Variants in USP47 observed in about 807,000 individuals in gnomAD.
The protein encoded by USP47 is ubiquitin carboxyl-terminal hydrolase 47.
A neutral mutation model predicts 165.1 loss-of-function variants in USP47; 35 were observed. The ratio of observed to expected loss-of-function variants is 0.21; its 90% CI spans 0.16 to 0.28. The LOEUF is 0.28. USP47 is among the 10% of genes least tolerant of loss of function. USP47 has a pLI of 1.00. For synonymous variants in USP47, 531 were observed against 544.5 expected (o/e 0.98, Z 0.35); for missense variants, 1,277 against 1,607.4 (o/e 0.79, Z 3.52).
At chr11:11,909,676 G>C (rs61870729) in intron 8 of USP47, among the ~76,000 whole-genome samples, 9 of 152,018 alleles carry the variant, frequency 5.9e-5, no homozygotes, top group African/African-American at 1.9e-4. Flanking sequence ...TGTTCATTAC[G>C]TACATTTAAA....
intron 8 of USP47, among the ~76,000 whole-genome samples, chr11:11,913,584 T>A (rs763677386): frequency 6.6e-6 from 1 of 151,604 alleles, no homozygotes; most frequent in Non-Finnish European, 1.5e-5. Flanking sequence ...AGGTAGAGAG[T>A]AGAATGGTAG....
chr11:11,893,679 A>G (rs1021201623), intron 4 of USP47, among the ~76,000 whole-genome samples: 5 of 152,068 alleles, frequency 3.3e-5, no homozygotes, highest in Non-Finnish European at 5.9e-5. Flanking sequence ...CGGCCTCCCA[A>G]GTAGCGGGGA....
At chr11:11,932,549 A>G (rs1302460560) in intron 14 of USP47, among the ~76,000 whole-genome samples, 1 of 152,130 alleles carries the variant, frequency 6.6e-6, no homozygotes, top group Non-Finnish European at 1.5e-5. Context: ...CAGCAGCAGT[A>G]TTTATTAAGT....
chr11:11,872,449 T>G (rs565965583), intron 1 of USP47, among the ~76,000 whole-genome samples: 46 of 152,322 alleles, frequency 3.0e-4, no homozygotes, highest in African/African-American at 1.0e-3. Context: ...CAAGTTAGAC[T>G]CCTACTTTAC....
intron 8 of USP47, among the ~76,000 whole-genome samples, chr11:11,909,299 G>A: frequency 6.6e-6 from 1 of 151,992 alleles, no homozygotes; most frequent in East Asian, 1.9e-4. Flanking sequence ...TGCTCTTAAT[G>A]ACTTATTAGA....
At chr11:11,912,464 C>A (rs1221782561) in intron 8 of USP47, among the ~76,000 whole-genome samples, 1 of 152,056 alleles carries the variant, frequency 6.6e-6, no homozygotes, top group African/African-American at 2.4e-5. Context: ...CGAACCAATT[C>A]TTTGAAAAGA....
Position 11,842,150 on chromosome 11 carries a change from C to T in USP47, c.-36C>T, listed in dbSNP as rs1350408121. 2 of 1,550,940 alleles carry T rather than the reference C, an allele frequency of 1.3e-6. No homozygotes were observed. The highest frequency in any genetic ancestry group is 2.0e-5 in the Admixed American group (1 of 50,932). ...CGAGCCGCCGCCACCCTCCACCCTC[C>T]CCCGGCAGGGCGGAGAGGAGCGGCC... On this transcript the variant is annotated 5_prime_UTR_variant, in exon 1 of 28. Transcript: ENST00000527733.
Position 11,942,266 on chromosome 11 carries a change from TATA to T in USP47, c.2314-66_2314-64del, listed in dbSNP as rs369421256. The stretch of plus-strand genomic sequence containing the variant: ...TGTGTATTGTGTTGTATTGATGCAA[TATA>T]ATGATGATGATGAATGAGCATGTCA... On this transcript the variant is annotated intron_variant, in intron 19 of 27. Coordinates refer to ENST00000527733, the MANE Select transcript of USP47 (RefSeq NM_001282659.2). 82 of 1,453,542 alleles carry T rather than the reference TATA, an allele frequency of 5.6e-5. No individual in the cohort carries two copies. The African/African-American group carries it at 1.1e-3, about 19-fold the overall frequency. The allele number at this position is 1,453,542 out of a possible 1,614,324, so 90.0% of individuals were successfully genotyped here.
chr11:11,883,388 A>C (rs1402560099), intron 2 of USP47, among the ~76,000 whole-genome samples: 1 of 152,190 alleles, frequency 6.6e-6, no homozygotes, highest in Non-Finnish European at 1.5e-5. Flanking sequence ...TATGAGGTAG[A>C]TGCTACTACA....
intron 4 of USP47, among the ~76,000 whole-genome samples, chr11:11,894,963 T>C (rs1428516532): frequency 6.6e-6 from 1 of 152,202 alleles, no homozygotes; most frequent in African/African-American, 2.4e-5. Context: ...AGATTTTTAA[T>C]TAATGTTTTT....
chr11:11,892,380 C>CTTTTTTTTTTTTTTTTT (rs1300802562), intron 4 of USP47, among the ~76,000 whole-genome samples: 29 of 121,124 alleles, frequency 2.4e-4, no homozygotes, highest in South Asian at 8.1e-4. Flanking sequence ...TTTTAATTTT[C>CTTTTTTTTTTTTTTTTT]TTTTTTTTTT....
intron 1 of USP47, among the ~76,000 whole-genome samples, chr11:11,857,499 A>G (rs1337197003): frequency 6.6e-6 from 1 of 152,242 alleles, no homozygotes; most frequent in African/African-American, 2.4e-5. Context: ...TATAATTTTA[A>G]GAGTTCTAAG....
chr11:11,843,288 C>T (rs1848244701), intron 1 of USP47, among the ~76,000 whole-genome samples: 2 of 152,124 alleles, frequency 1.3e-5, no homozygotes, highest in South Asian at 4.1e-4. Context: ...AGTTATGTAC[C>T]TGTATGATAC....
rs562586955 is a variant in USP47, at chr11:11,877,864, C to T, written c.40-2313C>T. ...GTGTGTGTGTGTGTGTGTGTGCGCGCGCGCAGATAAGATATTTGGAAGGAT... is the reference window on the plus strand; with the variant it reads ...GTGTGTGTGTGTGTGTGTGTGCGCGTGCGCAGATAAGATATTTGGAAGGAT... On this transcript the variant is annotated intron_variant, in intron 1 of 27. Coordinates refer to ENST00000527733, the MANE Select transcript of USP47 (RefSeq NM_001282659.2). 6.9e-3 allele frequency among the ~76,000 whole-genome samples: 734 copies of T among 106,532 alleles called. 11 individuals carry two copies. The highest frequency in any genetic ancestry group is 0.029 in the African/African-American group (675 of 22,962). The allele number at this position is 106,532 out of a possible 152,430, so 69.9% of individuals were successfully genotyped here.
chr11:11,911,858 C>T (rs984811523), intron 8 of USP47, among the ~76,000 whole-genome samples: 4 of 151,944 alleles, frequency 2.6e-5, no homozygotes, highest in African/African-American at 9.7e-5. Context: ...TGCTCTGGAC[C>T]ATAAGACCTC....
intron 1 of USP47, among the ~76,000 whole-genome samples, chr11:11,876,859 C>T (rs1263270655): frequency 6.6e-6 from 1 of 152,084 alleles, no homozygotes; most frequent in Non-Finnish European, 1.5e-5. Context: ...AGCGTGACTT[C>T]TGTCACATTC....
At position 11,957,367 on chromosome 11, in the gene USP47, TAAATA is replaced by T. The variant is rs1287845147; in HGVS notation, c.*1196_*1200del. 6.6e-6 allele frequency: 1 copy of T among 152,448 alleles called. No individual in the cohort carries two copies. The highest frequency in any genetic ancestry group is 1.5e-5 in the Non-Finnish European group (1 of 68,032). The allele number at this position is 152,448 out of a possible 1,614,324, so 9.4% of individuals were successfully genotyped here. On this transcript the variant is annotated 3_prime_UTR_variant, in exon 28 of 28. Coordinates refer to ENST00000527733, the MANE Select transcript of USP47 (RefSeq NM_001282659.2). ...TAGTATCAGCAAGTTTTTGCTTTGC[TAAATA>T]AAAGTACTCAATGAACACAATTCTA...
chr11:11,944,814 T>TTCC (rs1165327902), intron 20 of USP47, among the ~76,000 whole-genome samples: 2 of 152,212 alleles, frequency 1.3e-5, no homozygotes, highest in Non-Finnish European at 2.9e-5. Flanking sequence ...TTAAAAGTAG[T>TTCC]TCCTCTTTAG....
At chr11:11,865,572 G>T (rs1214701672) in intron 1 of USP47, among the ~76,000 whole-genome samples, 1 of 151,960 alleles carries the variant, frequency 6.6e-6, no homozygotes, top group Non-Finnish European at 1.5e-5. Flanking sequence ...AGTTTTGTGA[G>T]TAACCACCAG....
Sources: gnomAD v4.1 joint callset for allele counts (sites outside exome capture counted in the v4.1 genomes callset) on GRCh38, gnomAD v4.1.1 for gene constraint, MANE v1.5 for transcripts, NCBI Gene and HGNC (gene_info 2026-07-23, HGNC 2026-07-21) for gene names.